The following KLHDC8A variants were observed in gnomAD, a reference collection of about 807,000 sequenced individuals.
KLHDC8A encodes kelch domain containing 8A.
KLHDC8A carries 21 observed loss-of-function variants against 33.1 expected under a neutral mutation model. The ratio of observed to expected loss-of-function variants is 0.64; its 90% CI spans 0.45 to 0.91. The LOEUF is 0.91. Among genes scored for constraint, KLHDC8A ranks in the 40% least tolerant of loss-of-function variants. KLHDC8A has a pLI of 0.00. For synonymous variants in KLHDC8A, 173 were observed against 193.5 expected (o/e 0.89, Z 0.88); for missense variants, 435 against 483.3 (o/e 0.90, Z 0.94).
intron 1 of KLHDC8A, among the ~76,000 whole-genome samples, chr1:205,345,948 C>T (rs1486385466): frequency 6.6e-6 from 1 of 152,166 alleles, no homozygotes; most frequent in Non-Finnish European, 1.5e-5. Context: ...GTGATGCATG[C>T]CTGTAATCCC....
rs1045337044 is a variant in KLHDC8A at position 205,351,526 on chromosome 1, G to C, written c.-190+5007C>G. 5 of 623,430 alleles carry C rather than the reference G, an allele frequency of 8.0e-6. No homozygotes were observed. The African/African-American group carries it at 9.8e-5, about 12-fold the overall frequency. 38.6% of individuals were successfully genotyped at this position (623,430 alleles called of 1,614,324 possible). Reference sequence around the variant, plus strand: ...CCCATGCTCTCTCTCCATAGGTCCTGTTTTACTATGATGTAAAAATTAGGT... The same window carrying C: ...CCCATGCTCTCTCTCCATAGGTCCTCTTTTACTATGATGTAAAAATTAGGT... On this transcript the variant is annotated intron_variant, in intron 1 of 5. Coordinates refer to ENST00000367155, the MANE Select transcript of KLHDC8A (RefSeq NM_018203.3).
At position 205,339,433 on chromosome 1, in the gene KLHDC8A, G is replaced by A. The variant is rs759491770; in HGVS notation, c.542-24C>T. The A allele has an allele frequency of 1.2e-6, 2 of 1,604,386 alleles. No homozygotes were observed. Among genetic ancestry groups the A allele is most frequent in the Admixed American group, 1.7e-5 (1 of 59,386 alleles). Reference sequence around the variant, plus strand: ...CCCTGGGGGCCAGAGCAGGATAGAGGTTGGGCAGAAGGGTTGTCCCTGAGG... The same window carrying A: ...CCCTGGGGGCCAGAGCAGGATAGAGATTGGGCAGAAGGGTTGTCCCTGAGG... On this transcript the variant is annotated intron_variant, in intron 3 of 5. Coordinates refer to ENST00000367155, the MANE Select transcript of KLHDC8A (RefSeq NM_018203.3). The surrounding 1 kb of genome is among the most constrained non-coding windows in gnomAD (Gnocchi z 5.1).
intron 1 of KLHDC8A, among the ~76,000 whole-genome samples, chr1:205,353,383 C>T (rs908747745): frequency 3.3e-5 from 5 of 152,316 alleles, no homozygotes; most frequent in Non-Finnish European, 7.4e-5. Context: ...CCCACTACAA[C>T]AGCAGAATGG....
At position 205,343,716 on chromosome 1, in the gene KLHDC8A, C is replaced by A. The variant is rs1662864039; in HGVS notation, c.-112G>T. 1.1e-5 allele frequency: 14 copies of A among 1,218,850 alleles called. No homozygotes were observed. The highest frequency in any genetic ancestry group is 1.6e-5 in the Non-Finnish European group (14 of 899,586). 75.5% of individuals were successfully genotyped at this position (1,218,850 alleles called of 1,614,324 possible). The stretch of plus-strand genomic sequence containing the variant: ...TCGCCACCTCCATCTGGCTCCCGAG[C>A]GCCGGACCCAGCCAGACCCCGGCCA... On this transcript the variant is annotated 5_prime_UTR_variant, in exon 2 of 6. Coordinates refer to ENST00000367155, the MANE Select transcript of KLHDC8A (RefSeq NM_018203.3).
In KLHDC8A at chr1:205,356,823, C is replaced by G. The variant is rs768954308; in HGVS notation, c.-480G>C. The G allele has an allele frequency of 1.0e-5, 3 of 295,796 alleles. No individual in the cohort carries two copies. The highest frequency in any genetic ancestry group is 8.8e-5 in the South Asian group (3 of 34,276). The allele number at this position is 295,796 out of a possible 1,614,324, so 18.3% of individuals were successfully genotyped here. A position where few individuals can be genotyped will look rare whatever the true frequency, so the allele number is the denominator to read the frequency against. ...CTTGGGGTCCCTGAGTTCCAGGAGGCGTGACCCCCCTACTGAGAGGGCCTC... is the reference window on the plus strand; with the variant it reads ...CTTGGGGTCCCTGAGTTCCAGGAGGGGTGACCCCCCTACTGAGAGGGCCTC... On this transcript the variant is annotated 5_prime_UTR_variant, in exon 1 of 6. Transcript: ENST00000367155.
At chr1:205,340,828 G>A (rs563402714) in intron 2 of KLHDC8A, among the ~76,000 whole-genome samples, 107 of 152,278 alleles carry the variant, frequency 7.0e-4, no homozygotes, top group African/African-American at 2.5e-3. Flanking sequence ...TCACAAACTG[G>A]CATTTTTAGA....
At chr1:205,349,112 G>T (rs1245345544) in intron 1 of KLHDC8A, among the ~76,000 whole-genome samples, 2 of 152,222 alleles carry the variant, frequency 1.3e-5, no homozygotes, top group Non-Finnish European at 2.9e-5. Flanking sequence ...CATCAGCCCA[G>T]AGGAAGGATT....
intron 1 of KLHDC8A, chr1:205,348,566 T>G (rs1178663217): frequency 6.6e-6 from 1 of 152,216 alleles, no homozygotes; most frequent in Non-Finnish European, 1.5e-5. Context: ...CAGTCACTTA[T>G]GTCCTTGAAT....
In KLHDC8A at chr1:205,339,535, T is replaced by A; in HGVS notation, c.541+109A>T. 1 of 1,437,134 alleles carries A rather than the reference T, an allele frequency of 7.0e-7. No homozygotes were observed. Among genetic ancestry groups the A allele is most frequent in the Non-Finnish European group, 9.6e-7 (1 of 1,038,684 alleles). 89.0% of individuals were successfully genotyped at this position (1,437,134 alleles called of 1,614,324 possible). On this transcript the variant is annotated intron_variant, in intron 3 of 5. Transcript: ENST00000367155. This position sits in a 1 kb window ranked among gnomAD's most constrained non-coding sequence, Gnocchi z 5.1. The stretch of plus-strand genomic sequence containing the variant: ...GAAGCTCCCGGTGGGCTGGGCAGTG[T>A]GATTATCCCCAGTGCCGAGGAGATG...
chr1:205,348,488 G>A lies in KLHDC8A; in HGVS notation c.-189-4695C>T, dbSNP rs140881842. On this transcript the variant is annotated intron_variant, in intron 1 of 5. Coordinates refer to ENST00000367155, the MANE Select transcript of KLHDC8A (RefSeq NM_018203.3). ...CTTTCTGCAGCACCCCACAGACCATGTGGTCAGCATCAGACAGGCTGCATC... is the reference window on the plus strand; with the variant it reads ...CTTTCTGCAGCACCCCACAGACCATATGGTCAGCATCAGACAGGCTGCATC... 1.4e-4 allele frequency: 21 copies of A among 152,314 alleles called. No individual in the cohort carries two copies. The East Asian group carries it at 4.1e-3, about 29-fold the overall frequency. 9.4% of individuals were successfully genotyped at this position (152,314 alleles called of 1,614,324 possible). A position where few individuals can be genotyped will look rare whatever the true frequency, so the allele number is the denominator to read the frequency against.
At position 205,337,261 on chromosome 1, in the gene KLHDC8A, G is replaced by A. The variant is rs998581641; in HGVS notation, c.*138C>T. On this transcript the variant is annotated 3_prime_UTR_variant, in exon 6 of 6. Coordinates refer to ENST00000367155, the MANE Select transcript of KLHDC8A (RefSeq NM_018203.3). ...GGAGCTATAGAGAGGTCAACTTAGA[G>A]CCCCAAGGCCAGACTCCACTGGTTG... The A allele has an allele frequency of 1.9e-5, 13 of 677,926 alleles. No homozygotes were observed. Among genetic ancestry groups the A allele is most frequent in the Non-Finnish European group, 1.8e-5 (7 of 392,236 alleles). The allele number at this position is 677,926 out of a possible 1,614,324, so 42.0% of individuals were successfully genotyped here. A position where few individuals can be genotyped will look rare whatever the true frequency, so the allele number is the denominator to read the frequency against.
intron 1 of KLHDC8A, among the ~76,000 whole-genome samples, chr1:205,348,211 AC>A (rs1334654627): frequency 6.6e-6 from 1 of 152,130 alleles, no homozygotes; most frequent in African/African-American, 2.4e-5. Context: ...TTCCCAATAA[AC>A]CAAGCAGATT....
At position 205,336,390 on chromosome 1, in the gene KLHDC8A, C is replaced by G. The variant is rs1233708742; in HGVS notation, c.*1009G>C. The G allele has an allele frequency of 6.6e-6, 1 of 152,552 alleles. No homozygotes were observed. Among genetic ancestry groups the G allele is most frequent in the Non-Finnish European group, 1.5e-5 (1 of 68,042 alleles). The allele number at this position is 152,552 out of a possible 1,614,324, so 9.4% of individuals were successfully genotyped here. A position where few individuals can be genotyped will look rare whatever the true frequency, so the allele number is the denominator to read the frequency against. On this transcript the variant is annotated 3_prime_UTR_variant, in exon 6 of 6. Coordinates refer to ENST00000367155, the MANE Select transcript of KLHDC8A (RefSeq NM_018203.3). ...AGAAGGCAGAGCTCTTCAGAGGGGA[C>G]AGCCAAGAACAGGTAGTCACTGGGG...
intron 1 of KLHDC8A, chr1:205,351,219 C>T (rs994067407): frequency 4.3e-5 from 34 of 789,936 alleles, no homozygotes; most frequent in Middle Eastern, 3.5e-4. Context: ...AGCAGGCTTT[C>T]GATCTGTGAG....
intron 1 of KLHDC8A, among the ~76,000 whole-genome samples, chr1:205,346,413 C>G (rs1048983241): frequency 4.6e-5 from 7 of 152,196 alleles, no homozygotes; most frequent in Non-Finnish European, 7.3e-5. Context: ...TTCTCTTACC[C>G]ACTGAGCCTT....
At chr1:205,352,965 C>T (rs893529128) in intron 1 of KLHDC8A, among the ~76,000 whole-genome samples, 6 of 152,232 alleles carry the variant, frequency 3.9e-5, no homozygotes, top group Admixed American at 3.9e-4. Flanking sequence ...CTGCCCCCCA[C>T]GAGGAACCAC....
intron 1 of KLHDC8A, chr1:205,351,363 C>T: frequency 3.3e-6 from 3 of 899,396 alleles, no homozygotes; most frequent in Non-Finnish European, 5.7e-6. Context: ...CCTTTATGAA[C>T]CTTGTGATAG....
At chr1:205,337,635 C>T in intron 5 of KLHDC8A, 43 bp from the exon 6 acceptor site, 1 of 1,493,232 alleles carries the variant, frequency 6.7e-7, no homozygotes. Flanking sequence ...GGAGTCCAAC[C>T]ACCAATCCAT....
chr1:205,343,169 T>C, intron 2 of KLHDC8A, 60 bp downstream of exon 2: 4 of 1,527,010 alleles, frequency 2.6e-6, no homozygotes, highest in South Asian at 2.6e-5. Context: ...TTTCCATCTG[T>C]TTCCCTCCTG....
Sources: allele counts gnomAD v4.1 joint callset (sites outside exome capture counted in the v4.1 genomes callset), GRCh38; gene constraint gnomAD v4.1.1; non-coding constraint Gnocchi (gnomAD v3.1); transcripts MANE v1.5; gene names NCBI Gene and HGNC (gene_info 2026-07-23, HGNC 2026-07-21).